ZIM2: variants seen among roughly 807,000 people sequenced by gnomAD.
The protein encoded by ZIM2 is zinc finger imprinted 2, also known as zinc finger protein 656.
In ZIM2, 14 loss-of-function variants were observed where a neutral mutation model predicts 38.6. That is an observed-to-expected ratio of 0.36 (90% CI 0.24 to 0.57). The LOEUF (loss-of-function observed/expected upper bound fraction) is 0.57, where lower values mean the gene tolerates loss of function less well. Ranked by LOEUF, ZIM2 falls within the 20% of genes least tolerant of loss-of-function variation. ZIM2 has a pLI of 0.81. For synonymous variants in ZIM2, 247 were observed against 245.8 expected (o/e 1.00, Z -0.04); for missense variants, 680 against 695.1 (o/e 0.98, Z 0.24).
rs1329661460 is a variant in ZIM2, at chr19:56,817,253, C to T, written c.490+493G>A. On this transcript the variant is annotated intron_variant, in intron 9 of 12. Coordinates refer to ENST00000629319, the MANE Select transcript of ZIM2 (RefSeq NM_001387356.1). The stretch of plus-strand genomic sequence containing the variant: ...TGAATCGAGCCCTTCCCATCTGTGT[C>T]AAAATGATAGCGCCTCTTTCTTTCA... The T allele has an allele frequency of 5.0e-6, 8 of 1,614,016 alleles. No homozygotes were observed. In the Admixed American group the frequency reaches 1.3e-4, roughly 27 times the overall value.
chr19:56,812,304 A>T (rs1226462976), intron 9 of ZIM2: 4 of 982,430 alleles, frequency 4.1e-6, no homozygotes, highest in Non-Finnish European at 4.8e-6. Flanking sequence ...TTAGATGAAC[A>T]CAACACTCAG....
intron 12 of ZIM2, among the ~76,000 whole-genome samples, chr19:56,776,835 G>C (rs954673807): frequency 6.6e-6 from 1 of 152,038 alleles, no homozygotes; most frequent in African/African-American, 2.4e-5. Flanking sequence ...CGGGGAAGGG[G>C]GGCGAGTTTA....
At chr19:56,795,577 G>T (rs962334798) in intron 9 of ZIM2, among the ~76,000 whole-genome samples, 1 of 152,214 alleles carries the variant, frequency 6.6e-6, no homozygotes, top group Non-Finnish European at 1.5e-5. Flanking sequence ...ACGGGCTGAG[G>T]AACCACAGCC....
rs1341905698 is a variant in ZIM2, at chr19:56,821,728, G to A, written c.217C>T (p.Pro73Ser). 1 of 1,614,064 alleles carries A rather than the reference G, an allele frequency of 6.2e-7. No individual in the cohort carries two copies. Among genetic ancestry groups the A allele is most frequent in the Non-Finnish European group, 8.5e-7 (1 of 1,180,024 alleles). The change falls in exon 7 of 13, where the codon CCT (proline) becomes TCT (serine). Residue 73 changes from proline (P) to serine (S), a missense_variant. By Grantham distance (74) the Pro-to-Ser change is moderately conservative. Transcript: ENST00000629319. Reference sequence around the variant, plus strand: ...TCAAAGCTTGTTTTCGCCACCACAGGAAGGGAAAGATCCCGCGGAGGCATC... The same window carrying A: ...TCAAAGCTTGTTTTCGCCACCACAGAAAGGGAAAGATCCCGCGGAGGCATC... ...SRMPPRDLSLPVVAKTSFEMD... is the reference protein window; with the variant it reads ...SRMPPRDLSLSVVAKTSFEMD...
At chr19:56,786,355 A>G (rs2046604190) in intron 10 of ZIM2, among the ~76,000 whole-genome samples, 2 of 152,118 alleles carry the variant, frequency 1.3e-5, no homozygotes, top group Admixed American at 6.5e-5. Flanking sequence ...GCACCCCCAT[A>G]TGGTTCTAAG....
intron 9 of ZIM2, among the ~76,000 whole-genome samples, chr19:56,804,978 G>A (rs566716086): frequency 6.6e-6 from 1 of 152,222 alleles, no homozygotes; most frequent in Non-Finnish European, 1.5e-5. Context: ...AGCTTCACCA[G>A]GCTGGCATTT....
At chr19:56,805,786 A>C (rs1316114138) in intron 9 of ZIM2, among the ~76,000 whole-genome samples, 1 of 152,198 alleles carries the variant, frequency 6.6e-6, no homozygotes, top group East Asian at 1.9e-4. Context: ...AGATTAAAGG[A>C]GGCTACTTTA....
intron 9 of ZIM2, chr19:56,813,849 G>T (rs779244604): frequency 6.2e-7 from 1 of 1,614,060 alleles, no homozygotes; most frequent in African/African-American, 1.3e-5. Flanking sequence ...GCTCAAATAT[G>T]ATCATGCTGG....
intron 10 of ZIM2, 101 bp from the exon 11 acceptor site, chr19:56,782,222 C>G (rs1600717542): frequency 6.9e-7 from 1 of 1,458,806 alleles, no homozygotes; most frequent in South Asian, 1.3e-5. Flanking sequence ...TCCAGAGCCA[C>G]AGGCACCTGG....
At chr19:56,778,559 CT>C (rs2046147453) in intron 12 of ZIM2, among the ~76,000 whole-genome samples, 1 of 152,156 alleles carries the variant, frequency 6.6e-6, no homozygotes, top group African/African-American at 2.4e-5. Flanking sequence ...TTTCTTGCTC[CT>C]TTTTTGTACA....
In ZIM2 at chr19:56,816,064, A is replaced by G. The variant is rs113294091; in HGVS notation, c.490+1682T>C. The G allele has an allele frequency of 7.3e-4, 1,166 of 1,603,250 alleles. 6 individuals are homozygous for G. The African/African-American group carries it at 0.013, about 17-fold the overall frequency. On this transcript the variant is annotated intron_variant, in intron 9 of 12. Transcript: ENST00000629319. ...TACTTTTGGTTTACTGGGCCCTGCT[A>G]CACTGTGACTTTTCTGAGCTTCCAC...
chr19:56,790,735 C>T (rs546739421), intron 9 of ZIM2, among the ~76,000 whole-genome samples: 2 of 152,246 alleles, frequency 1.3e-5, no homozygotes, highest in South Asian at 2.1e-4. Flanking sequence ...GAGGAAAAGA[C>T]ATAGTATATA....
chr19:56,815,272 T>C, intron 9 of ZIM2: 1 of 1,614,242 alleles, frequency 6.2e-7, no homozygotes, highest in African/African-American at 1.3e-5. Context: ...GCCATGAGAC[T>C]TCTCTTGGTC....
At chr19:56,804,744 T>C (rs1349776096) in intron 9 of ZIM2, among the ~76,000 whole-genome samples, 1 of 152,222 alleles carries the variant, frequency 6.6e-6, no homozygotes, top group East Asian at 1.9e-4. Flanking sequence ...CAATCAGTTA[T>C]GTTACAAACA....
chr19:56,825,801 G>A (rs961550519), intron 3 of ZIM2, among the ~76,000 whole-genome samples: 6 of 152,172 alleles, frequency 3.9e-5, no homozygotes, highest in Non-Finnish European at 8.8e-5. Context: ...AGGAAAGCAA[G>A]TTTAAATTTT....
intron 1 of ZIM2, among the ~76,000 whole-genome samples, chr19:56,836,890 A>T (rs2062173506): frequency 6.7e-6 from 1 of 148,292 alleles, no homozygotes; most frequent in African/African-American, 2.5e-5. Context: ...GAATCACTTG[A>T]ACCCGGGAGG....
At chr19:56,777,139 G>T (rs1373678559) in intron 12 of ZIM2, among the ~76,000 whole-genome samples, 1 of 152,150 alleles carries the variant, frequency 6.6e-6, no homozygotes, top group African/African-American at 2.4e-5. Flanking sequence ...CACAGTGGTT[G>T]CATCCTGGCA....
intron 1 of ZIM2, among the ~76,000 whole-genome samples, chr19:56,839,772 G>C (rs1201258587): frequency 6.6e-6 from 1 of 152,116 alleles, no homozygotes; most frequent in Admixed American, 6.5e-5. Context: ...AACCAGAACA[G>C]CGCCTGCGCG....
intron 9 of ZIM2, among the ~76,000 whole-genome samples, chr19:56,802,757 CA>C (rs1353648022): frequency 6.6e-6 from 1 of 152,156 alleles, no homozygotes; most frequent in Non-Finnish European, 1.5e-5. Flanking sequence ...CCCAGGTGTT[CA>C]AAAAACTTCC....
Sources: allele counts gnomAD v4.1 joint callset (sites outside exome capture counted in the v4.1 genomes callset), GRCh38; gene constraint gnomAD v4.1.1; transcripts MANE v1.5; gene names NCBI Gene and HGNC (gene_info 2026-07-23, HGNC 2026-07-21).